DOCK2: variants seen among roughly 807,000 people sequenced by gnomAD.
DOCK2 encodes the protein dedicator of cytokinesis protein 2.
In DOCK2, 87 loss-of-function variants were observed where a neutral mutation model predicts 248.9. That is an observed-to-expected ratio of 0.35 (90% CI 0.29 to 0.42). The LOEUF (loss-of-function observed/expected upper bound fraction) is 0.42, where lower values mean the gene tolerates loss of function less well. DOCK2 is among the 10% of genes least tolerant of loss of function. The pLI is 1.00. For synonymous variants in DOCK2, 805 were observed against 821.6 expected, an observed-to-expected ratio of 0.98 and a Z score of 0.35; for missense variants, 1,747 against 2,300.2, an observed-to-expected ratio of 0.76 and a Z score of 4.92.
intron 38 of DOCK2, 37 bp downstream of exon 38, chr5:170,042,169 G>A (rs1190507475): frequency 6.4e-7 from 1 of 1,568,888 alleles, no homozygotes; most frequent in Non-Finnish European, 8.6e-7. Flanking sequence ...GGGGACCCTG[G>A]CCACTGGAAG....
intron 27 of DOCK2, among the ~76,000 whole-genome samples, chr5:169,962,954 T>C (rs1268764981): frequency 1.3e-5 from 2 of 151,954 alleles, no homozygotes; most frequent in Non-Finnish European, 1.5e-5. Flanking sequence ...GGATGGGAAG[T>C]GGAAGGGTAA....
chr5:169,722,823 A>C (rs991570498), intron 22 of DOCK2, among the ~76,000 whole-genome samples: 1 of 152,210 alleles, frequency 6.6e-6, no homozygotes, highest in African/African-American at 2.4e-5. Context: ...TTCAAGCTTA[A>C]AATTTGACTT....
intron 25 of DOCK2, among the ~76,000 whole-genome samples, chr5:169,777,644 G>A (rs138855717): frequency 1.2e-4 from 19 of 152,280 alleles, no homozygotes; most frequent in Non-Finnish European, 1.0e-4. Flanking sequence ...TACCTTACCC[G>A]GGATACTTCA....
chr5:170,015,187 A>T (rs1418355972), intron 32 of DOCK2, among the ~76,000 whole-genome samples: 1 of 152,180 alleles, frequency 6.6e-6, no homozygotes, highest in East Asian at 1.9e-4. Context: ...AACAGCATCA[A>T]CACTTCCTGA....
Position 169,981,433 on chromosome 5 carries a change from G to A in DOCK2, c.2800-1635G>A, listed in dbSNP as rs533939598. 1.3e-4 allele frequency among the ~76,000 whole-genome samples: 20 copies of A among 152,228 alleles called. No individual in the cohort carries two copies. In the South Asian group the frequency reaches 4.2e-3, roughly 32 times the overall value. ...CAACCCTGCATTGAGCAAGTCTCTT[G>A]GCACCATTTTTCCAACAGCCTGTGC... On this transcript the variant is annotated intron_variant, in intron 27 of 51. Transcript: ENST00000520908.
chr5:169,819,804 C>G (rs765614726), intron 26 of DOCK2, among the ~76,000 whole-genome samples: 9 of 152,174 alleles, frequency 5.9e-5, no homozygotes, highest in Non-Finnish European at 2.9e-5. Flanking sequence ...ACCGAGCGTG[C>G]GCTGAGGCGG....
chr5:169,922,060 A>G (rs1280023448), intron 27 of DOCK2, among the ~76,000 whole-genome samples: 2 of 152,202 alleles, frequency 1.3e-5, no homozygotes, highest in Non-Finnish European at 2.9e-5. Context: ...CCTTCTTTCT[A>G]TTCTGCTCAT....
intron 25 of DOCK2, among the ~76,000 whole-genome samples, chr5:169,801,349 G>A (rs73322094): frequency 0.13 from 19,386 of 151,576 alleles, 1,699 homozygotes; most frequent in African/African-American, 0.25. Flanking sequence ...CTCTGCAGTC[G>A]GGCTGGATTT....
At position 170,050,379 on chromosome 5, in the gene DOCK2, A is replaced by G; in HGVS notation, c.4195A>G (p.Lys1399Glu). Residue 1399 changes from lysine (K) to glutamate (E), a missense_variant, in exon 41 of 52, where the codon AAG becomes GAG. By Grantham distance (56) the Lys-to-Glu change is moderately conservative. This residue lies in a region of DOCK2 where 513 missense variants were observed against 586.1 expected (regional missense o/e 0.88). Coordinates refer to ENST00000520908, the MANE Select transcript of DOCK2 (RefSeq NM_004946.3). ...CACCTCTGCCCCGGGAGATGATGTG[A>G]AGAATGCCCCAGGCCAGTGTATCCT... ...NTTSAPGDDV[K>E]NAPGQYIQCF... 4 of 1,614,090 alleles carry G rather than the reference A, an allele frequency of 2.5e-6. No individual in the cohort carries two copies. The highest frequency in any genetic ancestry group is 3.4e-6 in the Non-Finnish European group (4 of 1,179,966).
At chr5:169,810,991 A>T (rs545501106) in intron 26 of DOCK2, among the ~76,000 whole-genome samples, 1,556 of 60,516 alleles carry the variant, frequency 0.026, 11 homozygotes, top group African/African-American at 0.085. Flanking sequence ...TCTCTCTCTC[A>T]CACACACACA....
intron 38 of DOCK2, among the ~76,000 whole-genome samples, chr5:170,044,014 G>A (rs540826969): frequency 6.6e-6 from 1 of 152,380 alleles, no homozygotes; most frequent in East Asian, 1.9e-4. Flanking sequence ...AGAGCAGAGA[G>A]GAGGGAGCAG....
chr5:169,895,113 T>C (rs780799278), intron 27 of DOCK2, among the ~76,000 whole-genome samples: 4 of 152,160 alleles, frequency 2.6e-5, no homozygotes, highest in Non-Finnish European at 4.4e-5. Flanking sequence ...CCACCTCCCA[T>C]GCAAATCACA....
chr5:169,805,626 C>T (rs1451978555), intron 26 of DOCK2, among the ~76,000 whole-genome samples: 1 of 152,206 alleles, frequency 6.6e-6, no homozygotes, highest in African/African-American at 2.4e-5. Flanking sequence ...AAGTAGGATG[C>T]TGAGGCTCTG....
At chr5:169,658,543 G>T (rs1170200574) in intron 2 of DOCK2, among the ~76,000 whole-genome samples, 1 of 149,964 alleles carries the variant, frequency 6.7e-6, no homozygotes, top group African/African-American at 2.5e-5. Context: ...ATTTTTATGA[G>T]AGTATTTTAA....
chr5:169,811,011 A>T (rs575705341), intron 26 of DOCK2, among the ~76,000 whole-genome samples: 3 of 152,070 alleles, frequency 2.0e-5, no homozygotes, highest in Admixed American at 2.0e-4. Flanking sequence ...ACACACACAC[A>T]CACACACACA....
At chr5:169,648,937 G>C (rs1757638696) in intron 1 of DOCK2, among the ~76,000 whole-genome samples, 1 of 152,224 alleles carries the variant, frequency 6.6e-6, no homozygotes. Flanking sequence ...CCGGGTTTGA[G>C]CTCTGGGGTG....
intron 22 of DOCK2, among the ~76,000 whole-genome samples, chr5:169,725,954 T>C (rs894892644): frequency 4.6e-5 from 7 of 152,182 alleles, no homozygotes; most frequent in African/African-American, 1.7e-4. Context: ...TGAATAGTGC[T>C]GCAATAAAAA....
At chr5:169,806,879 C>T (rs1262970824) in intron 26 of DOCK2, among the ~76,000 whole-genome samples, 1 of 151,140 alleles carries the variant, frequency 6.6e-6, no homozygotes, top group Non-Finnish European at 1.5e-5. Flanking sequence ...CCCCGCCCCC[C>T]CACTGAAAGC....
At chr5:169,939,662 A>T (rs749666369) in intron 27 of DOCK2, among the ~76,000 whole-genome samples, 10 of 152,194 alleles carry the variant, frequency 6.6e-5, no homozygotes, top group African/African-American at 9.7e-5. Flanking sequence ...ACTAGGAGGT[A>T]GGAATTTTTC....
Sources: gnomAD v4.1 joint callset for allele counts (sites outside exome capture counted in the v4.1 genomes callset) on GRCh38, gnomAD v4.1.1 for gene constraint, gnomAD v4.1.1 regional missense constraint, MANE v1.5 for transcripts, NCBI Gene and HGNC (gene_info 2026-07-23, HGNC 2026-07-21) for gene names.